The following WDHD1 variants were observed in gnomAD, a reference collection of about 807,000 sequenced individuals.
The protein encoded by WDHD1 is WD repeat and HMG-box DNA-binding protein 1.
In WDHD1, 111 loss-of-function variants were observed where a neutral mutation model predicts 135.4. The ratio of observed to expected loss-of-function variants is 0.82; its 90% CI spans 0.70 to 0.96. The LOEUF is 0.96. Ranked by LOEUF, WDHD1 falls within the 40% of genes least tolerant of loss-of-function variation. The pLI is 0.00. For missense variants in WDHD1, 1,351 were observed against 1,336.3 expected (o/e 1.01, Z -0.17); for synonymous variants, 434 against 439.0 (o/e 0.99, Z 0.14).
At chr14:54,974,050 T>C (rs1265877954) in intron 16 of WDHD1, among the ~76,000 whole-genome samples, 2 of 151,752 alleles carry the variant, frequency 1.3e-5, no homozygotes, top group Non-Finnish European at 2.9e-5. Context: ...ACGACGGAGT[T>C]TCCTGGAAAC....
chr14:54,939,048 A>C lies in WDHD1; in HGVS notation c.*2442T>G, dbSNP rs547078504. 43 of 152,214 alleles carry C rather than the reference A, an allele frequency of 2.8e-4. No individual in the cohort carries two copies. The highest frequency in any genetic ancestry group is 5.7e-4 in the Non-Finnish European group (39 of 68,036). The allele number at this position is 152,214 out of a possible 1,614,324, so 9.4% of individuals were successfully genotyped here. ...GGTTCAGGAAAAATCCTGTCTATAA[A>C]GCATACATGATAAAATGTCAACAAT... On this transcript the variant is annotated 3_prime_UTR_variant, in exon 26 of 26. Coordinates refer to ENST00000360586, the MANE Select transcript of WDHD1 (RefSeq NM_007086.4).
At chr14:54,981,295 C>T (rs571910595) in intron 16 of WDHD1, among the ~76,000 whole-genome samples, 1 of 152,064 alleles carries the variant, frequency 6.6e-6, no homozygotes, top group Non-Finnish European at 1.5e-5. Context: ...ATCAGAATTC[C>T]TCTCCCTGTG....
chr14:54,966,573 G>A lies in WDHD1; in HGVS notation c.2212C>T (p.His738Tyr), dbSNP rs536937977. 64 of 1,607,672 alleles carry A rather than the reference G, an allele frequency of 4.0e-5. No homozygotes were observed. The highest frequency in any genetic ancestry group is 4.9e-5 in the Non-Finnish European group (58 of 1,178,556). The change falls in exon 18 of 26, where the codon CAC becomes TAC. Residue 738 changes from histidine to tyrosine, a missense_variant. His to Tyr is a moderately conservative substitution (Grantham distance 83). This residue lies in a region of WDHD1 where 1,330 missense variants were observed against 1,296.1 expected (regional missense o/e 1.03). Coordinates refer to ENST00000360586, the MANE Select transcript of WDHD1 (RefSeq NM_007086.4). ...CCATTTTTAGCTAAATAATCAAGGT[G>A]GTTGTGAAATATAACTGAACGCCAA... ...QFWRSVIFHN[H>Y]LDYLAKNGYE...
chr14:55,017,795 A>AT (rs1566745397), intron 2 of WDHD1, among the ~76,000 whole-genome samples: 1 of 152,108 alleles, frequency 6.6e-6, no homozygotes, highest in African/African-American at 2.4e-5. Flanking sequence ...GATTTTATTT[A>AT]TATCTAGAAT....
intron 2 of WDHD1, among the ~76,000 whole-genome samples, chr14:55,015,220 A>G (rs2042239116): frequency 1.3e-5 from 2 of 151,876 alleles, no homozygotes; most frequent in South Asian, 4.2e-4. Context: ...CCCTGAGTCT[A>G]CTAAAAATAC....
chr14:54,974,067 C>A (rs572211862), intron 16 of WDHD1, among the ~76,000 whole-genome samples: 1 of 150,790 alleles, frequency 6.6e-6, no homozygotes, highest in African/African-American at 2.4e-5. Context: ...AAACTATGTG[C>A]ATAAACCACC....
chr14:54,965,504 T>C (rs914743826), intron 18 of WDHD1, among the ~76,000 whole-genome samples: 1 of 152,076 alleles, frequency 6.6e-6, no homozygotes, highest in African/African-American at 2.4e-5. Flanking sequence ...TAAAAAACAG[T>C]ATATACTCAA....
rs1050334347 is a variant in WDHD1, at chr14:55,024,981, TAA to T, written c.77+1728_77+1729del. Among the ~76,000 whole-genome samples the T allele has an allele frequency of 3.1e-4, 31 of 100,032 alleles. 7 individuals carry two copies. The highest frequency in any genetic ancestry group is 6.4e-4 in the Non-Finnish European group (27 of 42,436). The allele number at this position is 100,032 out of a possible 152,430, so 65.6% of individuals were successfully genotyped here. ...AAGGGTCTGTGCTGAGGAGGATTAG[TAA>T]AAGAGGAAGGAATGCCTCTTGCAGT... On this transcript the variant is annotated intron_variant, in intron 2 of 25. Coordinates refer to ENST00000360586, the MANE Select transcript of WDHD1 (RefSeq NM_007086.4).
chr14:55,011,185 C>G (rs144949169), intron 3 of WDHD1, among the ~76,000 whole-genome samples: 6 of 152,158 alleles, frequency 3.9e-5, no homozygotes, highest in Non-Finnish European at 7.3e-5. Flanking sequence ...TTACAGTCTT[C>G]TTCATATACA....
intron 4 of WDHD1, 137 bp downstream of exon 4, chr14:55,010,172 T>C (rs2042144116): frequency 2.1e-6 from 2 of 946,176 alleles, no homozygotes; most frequent in Non-Finnish European, 2.9e-6. Context: ...CAAAAACCTT[T>C]ACTAGATAAA....
At chr14:54,984,645 A>G in intron 15 of WDHD1, 78 bp downstream of exon 15, 2 of 1,203,526 alleles carry the variant, frequency 1.7e-6, no homozygotes, top group Non-Finnish European at 1.1e-6. Context: ...TAGGAATAAA[A>G]CAATGAAATA....
At chr14:54,959,716 T>C (rs2041218579) in intron 21 of WDHD1, among the ~76,000 whole-genome samples, 1 of 151,798 alleles carries the variant, frequency 6.6e-6, no homozygotes, top group Admixed American at 6.6e-5. Context: ...TGTAGCGAGC[T>C]AGGACTGCAT....
Position 54,941,691 on chromosome 14 carries a change from CT to C in WDHD1, c.3190-2del. 6.2e-7 allele frequency: 1 copy of C among 1,602,804 alleles called. No individual in the cohort carries two copies. Among genetic ancestry groups the C allele is most frequent in the East Asian group, 2.2e-5 (1 of 44,754 alleles). On this transcript the variant is annotated splice_acceptor_variant, in intron 25 of 25. Coordinates refer to ENST00000360586, the MANE Select transcript of WDHD1 (RefSeq NM_007086.4). LOFTEE classifies it high-confidence loss of function. The stretch of plus-strand genomic sequence containing the variant: ...CTCCTTTGGCTTTGTTAGCCCACAC[CT>C]TTGTAAAATGGCAGGAGTGAAAAGG...
At chr14:55,022,765 A>T (rs1476088712) in intron 2 of WDHD1, among the ~76,000 whole-genome samples, 1 of 150,048 alleles carries the variant, frequency 6.7e-6, no homozygotes, top group African/African-American at 2.5e-5. Context: ...GTGTCTGGGA[A>T]TCTGCTGTCT....
At position 54,972,216 on chromosome 14, in the gene WDHD1, G is replaced by A. The variant is rs186929294; in HGVS notation, c.2064-4822C>T. On this transcript the variant is annotated intron_variant, in intron 16 of 25. Transcript: ENST00000360586. ...GGTGAACCCGGGAGGCGGAGCTTGCGGTGAGCCGAGATCACACCACTGCAC... is the reference window on the plus strand; with the variant it reads ...GGTGAACCCGGGAGGCGGAGCTTGCAGTGAGCCGAGATCACACCACTGCAC... 2.3e-3 allele frequency among the ~76,000 whole-genome samples: 350 copies of A among 150,840 alleles called. 1 individual carries two copies. Among genetic ancestry groups the A allele is most frequent in the African/African-American group, 8.1e-3 (332 of 41,054 alleles).
At chr14:54,990,396 G>A (rs892080048) in intron 12 of WDHD1, among the ~76,000 whole-genome samples, 7 of 152,102 alleles carry the variant, frequency 4.6e-5, no homozygotes, top group African/African-American at 1.7e-4. Context: ...AGGAGATCGA[G>A]ACCATCCTGT....
In WDHD1 at chr14:55,013,565, C is replaced by T; in HGVS notation, c.109G>A (p.Val37Met). 6.2e-7 allele frequency: 1 copy of T among 1,614,034 alleles called. No homozygotes were observed. ...TCATCCAAGTCTTCCCAAATCCTCA[C>T]ATCACCATCACTTCCACAAGTCACA... The part of the protein sequence containing the change: ...FIVTCGSDGD[V>M]RIWEDLDDDD... Residue 37 changes from valine to methionine, a missense_variant, in exon 3 of 26, where the codon GTG (valine) becomes ATG (methionine). By Grantham distance (21) the Val-to-Met change is conservative. Coordinates refer to ENST00000360586, the MANE Select transcript of WDHD1 (RefSeq NM_007086.4).
chr14:54,960,786 G>A (rs1156372985), intron 21 of WDHD1, among the ~76,000 whole-genome samples: 4 of 149,776 alleles, frequency 2.7e-5, no homozygotes, highest in African/African-American at 7.4e-5. Context: ...AATTACAGGC[G>A]TGAGCCACCA....
intron 16 of WDHD1, among the ~76,000 whole-genome samples, chr14:54,981,301 C>T (rs1476141808): frequency 6.6e-6 from 1 of 152,090 alleles, no homozygotes; most frequent in Non-Finnish European, 1.5e-5. Flanking sequence ...ATTCCTCTCC[C>T]TGTGTGGCTG....
Sources: allele counts gnomAD v4.1 joint callset (sites outside exome capture counted in the v4.1 genomes callset), GRCh38; gene constraint gnomAD v4.1.1; regional missense constraint gnomAD v4.1.1; transcripts MANE v1.5; gene names NCBI Gene and HGNC (gene_info 2026-07-23, HGNC 2026-07-21).